SS18: variants seen among roughly 807,000 people sequenced by gnomAD.
SS18 encodes the protein SS18 subunit of BAF chromatin remodeling complex.
Under a neutral mutation model 72.5 loss-of-function variants are expected in SS18, and 28 were observed. That is an observed-to-expected ratio of 0.39 (90% CI 0.29 to 0.53). The LOEUF is 0.53. Ranked by LOEUF, SS18 falls within the 20% of genes least tolerant of loss-of-function variation. SS18 has a pLI of 0.76. For missense variants in SS18, 518 were observed against 535.3 expected, an observed-to-expected ratio of 0.97 and a Z score of 0.32; for synonymous variants, 172 against 164.2, an observed-to-expected ratio of 1.05 and a Z score of -0.37.
intron 3 of SS18, among the ~76,000 whole-genome samples, chr18:26,077,758 C>T (rs2054442912): frequency 6.6e-6 from 1 of 152,100 alleles, no homozygotes; most frequent in African/African-American, 2.4e-5. Context: ...ACAGTATTTA[C>T]TGGTCAAACT....
chr18:26,077,349 A>G (rs2054434960), intron 3 of SS18, among the ~76,000 whole-genome samples: 1 of 152,126 alleles, frequency 6.6e-6, no homozygotes, highest in African/African-American at 2.4e-5. Flanking sequence ...AGTTTACATG[A>G]AATAAGAGAA....
rs181973637 is a variant in SS18, at chr18:26,071,059, T to C, written c.231+7017A>G. Among the ~76,000 whole-genome samples, 340 of 152,048 alleles carry C rather than the reference T, an allele frequency of 2.2e-3. 5 individuals carry two copies. The highest frequency in any genetic ancestry group is 1.7e-3 in the Non-Finnish European group (118 of 67,980). On this transcript the variant is annotated intron_variant, in intron 3 of 10. Coordinates refer to ENST00000415083, the MANE Select transcript of SS18 (RefSeq NM_001007559.3). ...AACTGGAAAACTGGTCAGAAAAAAA[T>C]ATACTTAGAATGATAAATGGTTGGA...
At chr18:26,082,963 C>T (rs2054552918) in intron 2 of SS18, among the ~76,000 whole-genome samples, 1 of 152,094 alleles carries the variant, frequency 6.6e-6, no homozygotes, top group Non-Finnish European at 1.5e-5. Context: ...TCCCAGATGG[C>T]TGTCATGTAT....
chr18:26,077,572 A>C (rs2054438769), intron 3 of SS18, among the ~76,000 whole-genome samples: 2 of 152,186 alleles, frequency 1.3e-5, no homozygotes, highest in South Asian at 4.1e-4. Context: ...TTAAAAATTT[A>C]GAGTTTTTAA....
intron 3 of SS18, among the ~76,000 whole-genome samples, chr18:26,069,512 A>C (rs1261556073): frequency 6.7e-6 from 1 of 148,614 alleles, no homozygotes; most frequent in East Asian, 1.9e-4. Flanking sequence ...CAAAGTAAAA[A>C]AAAAAAAAAA....
At chr18:26,089,175 T>C (rs900653441) in intron 1 of SS18, among the ~76,000 whole-genome samples, 1 of 152,190 alleles carries the variant, frequency 6.6e-6, no homozygotes, top group African/African-American at 2.4e-5. Context: ...GAATTAATCA[T>C]TATCCATGAT....
intron 5 of SS18, among the ~76,000 whole-genome samples, chr18:26,041,505 C>G (rs147013257): frequency 2.0e-5 from 3 of 152,230 alleles, no homozygotes; most frequent in Admixed American, 1.3e-4. Flanking sequence ...TTCCAAAACA[C>G]TAGTTTAATA....
intron 10 of SS18, among the ~76,000 whole-genome samples, chr18:26,030,719 A>T (rs1466497829): frequency 1.3e-5 from 2 of 152,194 alleles, no homozygotes; most frequent in East Asian, 3.8e-4. Flanking sequence ...TTGGATAAAA[A>T]GGAGCTGAAA....
At position 26,020,386 on chromosome 18, in the gene SS18, G is replaced by A. The variant is rs2053328091; in HGVS notation, c.1231-2006C>T. Among the ~76,000 whole-genome samples the A allele has an allele frequency of 2.6e-5, 4 of 152,178 alleles. No individual in the cohort carries two copies. In the South Asian group the frequency reaches 8.3e-4, roughly 32 times the overall value. ...GAATTATAAATCAGTGACTCTCAAT[G>A]ATGGAGGGAAATGCTCCCCTAGTCA... On this transcript the variant is annotated intron_variant, in intron 10 of 10. Transcript: ENST00000415083.
At chr18:26,061,346 C>G (rs2054121414) in intron 3 of SS18, among the ~76,000 whole-genome samples, 1 of 152,120 alleles carries the variant, frequency 6.6e-6, no homozygotes, top group Non-Finnish European at 1.5e-5. Context: ...AAACACAGGA[C>G]AGACGGAGAA....
chr18:26,090,213 C>A, intron 1 of SS18: 1 of 466,190 alleles, frequency 2.1e-6, no homozygotes, highest in African/African-American at 2.1e-5. Flanking sequence ...GCACGCGCCC[C>A]GCAGCCCGAA....
chr18:26,082,566 T>A lies in SS18; in HGVS notation c.147-4406A>T, dbSNP rs1013415824. 2.0e-5 allele frequency: 19 copies of A among 932,830 alleles called. No individual in the cohort carries two copies. In the Admixed American group the frequency reaches 1.2e-3, roughly 58 times the overall value. The allele number at this position is 932,830 out of a possible 1,614,324, so 57.8% of individuals were successfully genotyped here. Reference sequence around the variant, plus strand: ...AAATAAGAAATGATTTAAGCAAACATAGGTTGATTTAGAAAATGCTCAAAT... The same window carrying A: ...AAATAAGAAATGATTTAAGCAAACAAAGGTTGATTTAGAAAATGCTCAAAT... On this transcript the variant is annotated intron_variant, in intron 2 of 10. Coordinates refer to ENST00000415083, the MANE Select transcript of SS18 (RefSeq NM_001007559.3).
intron 10 of SS18, among the ~76,000 whole-genome samples, chr18:26,023,878 T>G (rs545415251): frequency 8.4e-4 from 128 of 152,094 alleles, no homozygotes; most frequent in Admixed American, 4.4e-3. Context: ...TTTAACTGAT[T>G]TTTTTAGACA....
intron 5 of SS18, among the ~76,000 whole-genome samples, chr18:26,046,238 A>AG (rs1475425341): frequency 7.1e-6 from 1 of 141,724 alleles, no homozygotes; most frequent in Non-Finnish European, 1.5e-5. Flanking sequence ...GGAAAAAAAA[A>AG]GAAACACTGA....
At chr18:26,080,108 G>GT (rs1486621035) in intron 2 of SS18, among the ~76,000 whole-genome samples, 1 of 152,120 alleles carries the variant, frequency 6.6e-6, no homozygotes, top group African/African-American at 2.4e-5. Flanking sequence ...AATGGACAAA[G>GT]TAATAATTAT....
chr18:26,084,070 C>T (rs1324495155), intron 2 of SS18: 1 of 151,840 alleles, frequency 6.6e-6, no homozygotes, highest in Non-Finnish European at 1.5e-5. Context: ...GAAAAAAAAA[C>T]CAGGATGAGC....
At chr18:26,081,604 G>A (rs2054524328) in intron 2 of SS18, among the ~76,000 whole-genome samples, 2 of 152,030 alleles carry the variant, frequency 1.3e-5, no homozygotes, top group South Asian at 2.1e-4. Context: ...AAAGCAATCA[G>A]CAAATACTCT....
rs1281408522 is a variant in SS18 at position 26,090,589 on chromosome 18, T to A, written c.-20A>T. On this transcript the variant is annotated 5_prime_UTR_variant, in exon 1 of 11. Transcript: ENST00000415083. ...AGACATGTTGCCGCCGTCACCACTA[T>A]CGGCAAGTCCCGAGCGCTCCGGGTG... 4 of 1,567,146 alleles carry A rather than the reference T, an allele frequency of 2.6e-6. No homozygotes were observed. The highest frequency in any genetic ancestry group is 3.5e-6 in the Non-Finnish European group (4 of 1,156,630).
intron 10 of SS18, among the ~76,000 whole-genome samples, chr18:26,025,206 T>G (rs2053424801): frequency 6.6e-6 from 1 of 152,072 alleles, no homozygotes; most frequent in Admixed American, 6.5e-5. Context: ...TTGAACTGAT[T>G]AAAAATAACA....
Sources: allele counts gnomAD v4.1 joint callset (sites outside exome capture counted in the v4.1 genomes callset), GRCh38; gene constraint gnomAD v4.1.1; transcripts MANE v1.5; gene names NCBI Gene and HGNC (gene_info 2026-07-23, HGNC 2026-07-21).